The following SRPX variants were observed in gnomAD, a reference collection of about 807,000 sequenced individuals.
The protein encoded by SRPX is sushi repeat-containing protein SRPX.
In SRPX, 24 loss-of-function variants were observed where a neutral mutation model predicts 38.1. The observed-to-expected ratio is 0.63, with a 90% confidence interval of 0.46 to 0.89. The LOEUF (loss-of-function observed/expected upper bound fraction) is 0.89. Ranked by LOEUF, SRPX falls within the 40% of genes least tolerant of loss-of-function variation. SRPX has a pLI of 0.00. For missense variants in SRPX, 416 were observed against 377.8 expected (o/e 1.10, Z -0.84); for synonymous variants, 184 against 153.8 (o/e 1.20, Z -1.45).
intron 1 of SRPX, among the ~76,000 whole-genome samples, chrX:38,201,558 A>G (rs1485418473): frequency 8.9e-6 from 1 of 111,809 alleles, no homozygotes; most frequent in Non-Finnish European, 1.9e-5. Context: ...GGGGCCGGGC[A>G]TGGTGGCTCA....
intron 1 of SRPX, among the ~76,000 whole-genome samples, chrX:38,205,263 G>A (rs1939188209): frequency 1.8e-5 from 2 of 112,183 alleles, no homozygotes; most frequent in African/African-American, 6.5e-5. Context: ...AGAGCAGGTG[G>A]CTTTGTTCAC....
intron 3 of SRPX, among the ~76,000 whole-genome samples, 176 bp downstream of exon 3, chrX:38,173,981 TATC>T (rs917275074): frequency 8.9e-6 from 1 of 112,197 alleles, no homozygotes; most frequent in African/African-American, 3.2e-5. Context: ...CAGCTGATCA[TATC>T]ATTCTCTCTG....
intron 8 of SRPX, 45 bp from the exon 9 acceptor site, chrX:38,154,628 A>G (rs1361823500): frequency 1.0e-5 from 12 of 1,196,906 alleles, no homozygotes; most frequent in Non-Finnish European, 1.4e-5. Context: ...GCATGGCTAA[A>G]AAAGACATCC....
In SRPX at chrX:38,184,900, G is replaced by A. The variant is rs189958096; in HGVS notation, c.98-6556C>T. 3.4e-4 allele frequency among the ~76,000 whole-genome samples: 38 copies of A among 112,056 alleles called. 1 individual carries two copies. The East Asian group carries it at 9.8e-3, about 29-fold the overall frequency. ...TTCTTTATCTGTACTGTCAAATACGGCAGCCACTAGTCCTATGTGGTTATT... is the reference window on the plus strand; with the variant it reads ...TTCTTTATCTGTACTGTCAAATACGACAGCCACTAGTCCTATGTGGTTATT... On this transcript the variant is annotated intron_variant, in intron 1 of 9. Coordinates refer to ENST00000378533, the MANE Select transcript of SRPX (RefSeq NM_006307.5).
chrX:38,203,090 C>T (rs937760354), intron 1 of SRPX, among the ~76,000 whole-genome samples: 7 of 111,786 alleles, frequency 6.3e-5, no homozygotes, highest in Non-Finnish European at 9.4e-5. Context: ...CCAAATGGTA[C>T]GTATCCTGAC....
At chrX:38,158,877 G>A in intron 7 of SRPX, among the ~76,000 whole-genome samples, 1 of 110,501 alleles carries the variant, frequency 9.0e-6, no homozygotes, top group East Asian at 2.8e-4. Context: ...CTGCTCGGGA[G>A]GCTGGGGCAG....
chrX:38,150,934 T>A (rs756829570), intron 9 of SRPX, among the ~76,000 whole-genome samples: 6 of 112,191 alleles, frequency 5.3e-5, no homozygotes, highest in African/African-American at 1.9e-4. Flanking sequence ...GCCCACTCAG[T>A]CTCTTCTCCA....
At chrX:38,179,937 C>G (rs1432621471) in intron 1 of SRPX, among the ~76,000 whole-genome samples, 2 of 111,114 alleles carry the variant, frequency 1.8e-5, no homozygotes, top group Non-Finnish European at 3.8e-5. Context: ...GAGAACCCAT[C>G]TCAAAAACAA....
At chrX:38,197,060 C>A (rs1394030327) in intron 1 of SRPX, among the ~76,000 whole-genome samples, 4 of 111,963 alleles carry the variant, frequency 3.6e-5, no homozygotes, top group African/African-American at 9.7e-5. Context: ...CAGAGATGGG[C>A]GGAGGGGAGA....
chrX:38,185,069 T>C (rs1938747551), intron 1 of SRPX, among the ~76,000 whole-genome samples: 1 of 112,285 alleles, frequency 8.9e-6, no homozygotes, highest in South Asian at 3.7e-4. Flanking sequence ...CCTAACTTTT[T>C]AAAAGTATTC....
chrX:38,174,372 A>G, intron 2 of SRPX, 21 bp from the exon 3 acceptor site: 1 of 998,525 alleles, frequency 1.0e-6, no homozygotes. Context: ...CAGAAACAAA[A>G]GAGGAGATAA....
In SRPX at chrX:38,220,780, C is replaced by A; in HGVS notation, c.13G>T (p.Ala5Ser). MGSP[A>S]HRPALLLLLP... is the part of the protein sequence containing the mutation. Reference sequence around the variant, plus strand: ...AGCAGCAGCAGCGCGGGCCGATGTGCGGGGCTCCCCATGGCGAGCGGGCGC... The same window carrying A: ...AGCAGCAGCAGCGCGGGCCGATGTGAGGGGCTCCCCATGGCGAGCGGGCGC... Residue 5 changes from alanine (A) to serine (S), a missense_variant, in exon 1 of 10, where the codon GCA (alanine) becomes TCA (serine). By Grantham distance (99) the Ala-to-Ser change is moderately conservative. Transcript: ENST00000378533. 9.0e-7 allele frequency: 1 copy of A among 1,115,475 alleles called. No individual in the cohort carries two copies. The highest frequency in any genetic ancestry group is 1.2e-6 in the Non-Finnish European group (1 of 855,752). The allele number at this position is 1,115,475 out of a possible 1,213,427, so 91.9% of individuals were successfully genotyped here.
chrX:38,213,621 C>T (rs777760693), intron 1 of SRPX, among the ~76,000 whole-genome samples: 115 of 111,731 alleles, frequency 1.0e-3, no homozygotes, highest in Non-Finnish European at 1.8e-3. Flanking sequence ...ATGCTGTATT[C>T]GTCCATTTTT....
rs368539672 is a variant in SRPX, at chrX:38,196,746, C to A, written c.98-18402G>T. On this transcript the variant is annotated intron_variant, in intron 1 of 9. Coordinates refer to ENST00000378533, the MANE Select transcript of SRPX (RefSeq NM_006307.5). ...ATGAGAAAGGAATAGGGGAAAAGCC[C>A]ATAAAGATATGCTAATGAGCAGGTT... Among the ~76,000 whole-genome samples the A allele has an allele frequency of 9.8e-5, 11 of 112,189 alleles. No individual in the cohort carries two copies. In the East Asian group the frequency reaches 1.7e-3, roughly 17 times the overall value.
intron 3 of SRPX, among the ~76,000 whole-genome samples, chrX:38,172,395 G>A (rs762251170): frequency 1.8e-5 from 2 of 113,197 alleles, no homozygotes; most frequent in Non-Finnish European, 3.7e-5. Context: ...AGAGGTTGCG[G>A]CGAGCTGAGA....
intron 4 of SRPX, among the ~76,000 whole-genome samples, chrX:38,171,036 A>AT (rs150474568): frequency 0.022 from 2,435 of 111,308 alleles, 72 homozygotes; most frequent in African/African-American, 0.075. Flanking sequence ...AAACAAAAAA[A>AT]ACAGGGCTCC....
Position 38,220,603 on chromosome X carries a change from G to A in SRPX, c.97+93C>T, listed in dbSNP as rs1264663984. Reference sequence around the variant, plus strand: ...TTCTGCGCAAACAAAGGGCGCCCCCGGCACCTCCCTCTATCCCGAGCGAAG... The same window carrying A: ...TTCTGCGCAAACAAAGGGCGCCCCCAGCACCTCCCTCTATCCCGAGCGAAG... On this transcript the variant is annotated intron_variant, in intron 1 of 9. Transcript: ENST00000378533. 5 of 1,098,674 alleles carry A rather than the reference G, an allele frequency of 4.6e-6. No homozygotes were observed. In the African/African-American group the frequency reaches 5.8e-5, roughly 13 times the overall value. 90.5% of individuals were successfully genotyped at this position (1,098,674 alleles called of 1,213,427 possible).
chrX:38,184,955 G>A (rs754288987), intron 1 of SRPX, among the ~76,000 whole-genome samples: 1 of 112,149 alleles, frequency 8.9e-6, no homozygotes, highest in South Asian at 3.7e-4. Flanking sequence ...AGTAAAACAA[G>A]AGAAGTGAAT....
At chrX:38,166,621 CTT>C (rs1000052271) in intron 4 of SRPX, among the ~76,000 whole-genome samples, 16 of 112,048 alleles carry the variant, frequency 1.4e-4, no homozygotes, top group Admixed American at 8.5e-4. Context: ...AGAAGACAAA[CTT>C]TTATAATTCA....
Sources: gnomAD v4.1 joint callset for allele counts (sites outside exome capture counted in the v4.1 genomes callset) on GRCh38, gnomAD v4.1.1 for gene constraint, MANE v1.5 for transcripts, NCBI Gene and HGNC (gene_info 2026-07-23, HGNC 2026-07-21) for gene names.